The following TNRC6B variants were observed in gnomAD, a reference collection of about 807,000 sequenced individuals.
The protein encoded by TNRC6B is trinucleotide repeat containing adaptor 6B.
Under a neutral mutation model 203.6 loss-of-function variants are expected in TNRC6B, and 52 were observed. The ratio of observed to expected loss-of-function variants is 0.26; its 90% CI spans 0.20 to 0.32. TNRC6B has a LOEUF of 0.32. TNRC6B is among the 10% of genes least tolerant of loss of function. The pLI, the probability that TNRC6B is intolerant of heterozygous loss-of-function variation, is 1.00. For missense variants in TNRC6B, 1,923 were observed against 2,286.2 expected, an observed-to-expected ratio of 0.84 and a Z score of 3.24; for synonymous variants, 838 against 845.7, an observed-to-expected ratio of 0.99 and a Z score of 0.16.
Position 40,303,616 on chromosome 22 carries a change from C to G in TNRC6B, c.4120+2283C>G, listed in dbSNP as rs559551353. 5.4e-4 allele frequency among the ~76,000 whole-genome samples: 82 copies of G among 152,156 alleles called. 1 individual carries two copies. Among genetic ancestry groups the G allele is most frequent in the Non-Finnish European group, 9.0e-4 (61 of 67,984 alleles). Reference sequence around the variant, plus strand: ...TAGATGTGTTTTGTCATTTATTTCACTTACAATTTTCCTGTCTGGGCACAG... The same window carrying G: ...TAGATGTGTTTTGTCATTTATTTCAGTTACAATTTTCCTGTCTGGGCACAG... On this transcript the variant is annotated intron_variant, in intron 15 of 22. Coordinates refer to ENST00000454349, the MANE Select transcript of TNRC6B (RefSeq NM_001162501.2).
intron 20 of TNRC6B, 47 bp downstream of exon 20, chr22:40,315,554 G>C: frequency 6.3e-7 from 1 of 1,585,766 alleles, no homozygotes; most frequent in Non-Finnish European, 8.6e-7. Context: ...TCCACAAGGG[G>C]CTTATGTTAA....
intron 1 of TNRC6B, among the ~76,000 whole-genome samples, chr22:40,180,128 G>C (rs762705370): frequency 6.6e-6 from 1 of 152,214 alleles, no homozygotes; most frequent in Non-Finnish European, 1.5e-5. Context: ...GGAAAAGATA[G>C]AGAAATTACC....
intron 1 of TNRC6B, among the ~76,000 whole-genome samples, chr22:40,100,721 T>C (rs2068232153): frequency 6.6e-6 from 1 of 152,150 alleles, no homozygotes; most frequent in South Asian, 2.1e-4. Context: ...TAAGCAACCA[T>C]GGATTTTGGT....
At chr22:40,238,451 C>T (rs1250202530) in intron 1 of TNRC6B, among the ~76,000 whole-genome samples, 1 of 152,182 alleles carries the variant, frequency 6.6e-6, no homozygotes, top group Non-Finnish European at 1.5e-5. Flanking sequence ...AAAATGCATT[C>T]CCTGTAAGGA....
chr22:40,310,597 T>C (rs2071163256), intron 16 of TNRC6B, among the ~76,000 whole-genome samples: 1 of 152,186 alleles, frequency 6.6e-6, no homozygotes, highest in African/African-American at 2.4e-5. Flanking sequence ...CCTGTGTGCC[T>C]AAGTGAGGAA....
chr22:40,125,230 TA>T (rs2068479511), intron 2 of TNRC6B, among the ~76,000 whole-genome samples: 1 of 152,216 alleles, frequency 6.6e-6, no homozygotes, highest in African/African-American at 2.4e-5. Flanking sequence ...ACATTTAGTT[TA>T]TTAAGCACAT....
At chr22:40,294,070 C>G (rs544705808) in intron 12 of TNRC6B, among the ~76,000 whole-genome samples, 242 of 69,698 alleles carry the variant, frequency 3.5e-3, no homozygotes, top group African/African-American at 0.013. Context: ...AACCCCATCT[C>G]TACAAAAAAA....
In TNRC6B at chr22:40,179,619, G is replaced by T. The variant is rs1032633355; in HGVS notation, c.5+1479G>T. The stretch of plus-strand genomic sequence containing the variant: ...GAATAATTTTGATCAGAAGGGAGCA[G>T]TGTTTTTTGTTGTTTCCTTTTTAAT... On this transcript the variant is annotated intron_variant, in intron 1 of 22. Transcript: ENST00000454349. Among the ~76,000 whole-genome samples, 79 of 152,222 alleles carry T rather than the reference G, an allele frequency of 5.2e-4. 1 individual carries two copies. The highest frequency in any genetic ancestry group is 5.1e-3 in the Admixed American group (78 of 15,288).
intron 4 of TNRC6B, among the ~76,000 whole-genome samples, chr22:40,172,210 G>A (rs2069007397): frequency 6.6e-6 from 1 of 152,112 alleles, no homozygotes; most frequent in African/African-American, 2.4e-5. Context: ...CAGCTTAAAT[G>A]TTGCTCCTGA....
chr22:40,114,765 G>A (rs1338247924), intron 1 of TNRC6B, among the ~76,000 whole-genome samples: 1 of 152,112 alleles, frequency 6.6e-6, no homozygotes, highest in East Asian at 1.9e-4. Context: ...GAGAAAACTG[G>A]AGTGGTTCAC....
At chr22:40,255,061 G>A (rs924602360) in intron 3 of TNRC6B, among the ~76,000 whole-genome samples, 1 of 152,012 alleles carries the variant, frequency 6.6e-6, no homozygotes, top group African/African-American at 2.4e-5. Context: ...AAACACCTGG[G>A]TTCGTTGAGC....
chr22:40,225,742 CAAAAAAAAAAAAAAAA>C (rs34769532), intron 1 of TNRC6B, among the ~76,000 whole-genome samples: 19 of 64,354 alleles, frequency 3.0e-4, no homozygotes, highest in South Asian at 1.4e-3. Context: ...GACTCCGTCT[CAAAAAAAAAAAAAAAA>C]AAAAAAAAAG....
At chr22:40,316,726 C>T (rs1179976627) in intron 21 of TNRC6B, among the ~76,000 whole-genome samples, 1 of 152,144 alleles carries the variant, frequency 6.6e-6, no homozygotes, top group African/African-American at 2.4e-5. Flanking sequence ...AGTGGGTGTC[C>T]CCTCCCCACC....
At position 40,329,397 on chromosome 22, in the gene TNRC6B, A is replaced by G. The variant is rs1413192220; in HGVS notation, c.*6156A>G. The G allele has an allele frequency of 6.6e-6, 1 of 151,708 alleles. No homozygotes were observed. Among genetic ancestry groups the G allele is most frequent in the Non-Finnish European group, 1.5e-5 (1 of 67,944 alleles). 9.4% of individuals were successfully genotyped at this position (151,708 alleles called of 1,614,324 possible). A position where few individuals can be genotyped will look rare whatever the true frequency, so the allele number is the denominator to read the frequency against. On this transcript the variant is annotated 3_prime_UTR_variant, in exon 23 of 23. Coordinates refer to ENST00000454349, the MANE Select transcript of TNRC6B (RefSeq NM_001162501.2). ...TGTGGCCAGCGCCAAAGGTGTGTGT[A>G]TTTTCAGAAATGGTCCCTATTTGTC...
chr22:40,057,035 A>G (rs2067803243), intron 1 of TNRC6B, among the ~76,000 whole-genome samples: 1 of 152,166 alleles, frequency 6.6e-6, no homozygotes, highest in South Asian at 2.1e-4. Context: ...CTTGAGCTCA[A>G]AATGAGTTTA....
At chr22:40,214,279 A>AT (rs1176159427) in intron 1 of TNRC6B, among the ~76,000 whole-genome samples, 2 of 151,778 alleles carry the variant, frequency 1.3e-5, no homozygotes, top group African/African-American at 4.8e-5. Flanking sequence ...AAAATAAAAC[A>AT]TTAAAAAAAA....
At chr22:40,210,356 G>A (rs547662393) in intron 1 of TNRC6B, among the ~76,000 whole-genome samples, 1 of 152,162 alleles carries the variant, frequency 6.6e-6, no homozygotes, top group Admixed American at 6.5e-5. Flanking sequence ...CTAACACCAG[G>A]CATTGGCCCC....
At chr22:40,256,399 T>A (rs1335533662) in intron 3 of TNRC6B, among the ~76,000 whole-genome samples, 1 of 152,258 alleles carries the variant, frequency 6.6e-6, no homozygotes. Flanking sequence ...TCATTTGCCA[T>A]TCTCCAGTCA....
chr22:40,178,294 T>G (rs1230813654), intron 1 of TNRC6B, among the ~76,000 whole-genome samples, 154 bp downstream of exon 1: 1 of 152,216 alleles, frequency 6.6e-6, no homozygotes, highest in African/African-American at 2.4e-5. Flanking sequence ...CGTGATGTAC[T>G]TTGGTTCGGC....
Sources: gnomAD v4.1 joint callset for allele counts (sites outside exome capture counted in the v4.1 genomes callset) on GRCh38, gnomAD v4.1.1 for gene constraint, MANE v1.5 for transcripts, NCBI Gene and HGNC (gene_info 2026-07-23, HGNC 2026-07-21) for gene names.